Variants in GLIS3 observed in about 807,000 individuals in gnomAD.
GLIS3 encodes the protein zinc finger protein GLIS3.
GLIS3 carries 53 observed loss-of-function variants against 78.6 expected under a neutral mutation model. The ratio of observed to expected loss-of-function variants is 0.67; its 90% CI spans 0.54 to 0.85. The LOEUF (loss-of-function observed/expected upper bound fraction) is 0.85, where lower values mean the gene tolerates loss of function less well. Ranked by LOEUF, GLIS3 falls within the 40% of genes least tolerant of loss-of-function variation. The probability of loss-of-function intolerance (pLI) is 0.00; values close to 1 mark genes in which losing one functional copy is unlikely to be tolerated. For missense variants in GLIS3, 1,703 were observed against 1,231.1 expected (o/e 1.38, Z -5.74); for synonymous variants, 684 against 509.9 (o/e 1.34, Z -4.60).
In GLIS3 at chr9:4,084,775, G is replaced by A. The variant is rs575651714; in HGVS notation, c.1710+32993C>T. ...TAACAAACTCCTTGGCTTCCTCCTC[G>A]TGTGGACTGACGCTGTTTCTAGAAC... On this transcript the variant is annotated intron_variant, in intron 4 of 10. Coordinates refer to ENST00000381971, the MANE Select transcript of GLIS3 (RefSeq NM_001042413.2). Among the ~76,000 whole-genome samples the A allele has an allele frequency of 4.6e-5, 7 of 152,184 alleles. No homozygotes were observed. In the South Asian group the frequency reaches 1.0e-3, roughly 23 times the overall value.
chr9:3,851,965 A>G (rs548847623), intron 9 of GLIS3, among the ~76,000 whole-genome samples: 28 of 152,246 alleles, frequency 1.8e-4, no homozygotes, highest in African/African-American at 6.5e-4. Flanking sequence ...CAACATGGTG[A>G]AACCCCATCT....
intron 6 of GLIS3, among the ~76,000 whole-genome samples, chr9:3,899,426 T>TAA (rs34620814): frequency 2.5e-4 from 37 of 149,802 alleles, no homozygotes; most frequent in East Asian, 1.6e-3. Flanking sequence ...GAGTTACATG[T>TAA]AAAAAAAAAA....
intron 9 of GLIS3, among the ~76,000 whole-genome samples, chr9:3,850,772 C>A (rs1219101035): frequency 6.6e-6 from 1 of 152,216 alleles, no homozygotes. Context: ...GTACTCCAGC[C>A]ATCCCTTTGA....
At chr9:4,053,485 T>C (rs756430354) in intron 4 of GLIS3, among the ~76,000 whole-genome samples, 30 of 152,188 alleles carry the variant, frequency 2.0e-4, no homozygotes, top group Non-Finnish European at 3.8e-4. Context: ...CACTAGTTAA[T>C]TGTCTACTTC....
intron 6 of GLIS3, among the ~76,000 whole-genome samples, chr9:3,925,614 T>C (rs1054497436): frequency 6.6e-6 from 1 of 152,056 alleles, no homozygotes; most frequent in African/African-American, 2.4e-5. Context: ...CGCGTGTGTG[T>C]GTGTGTGCGC....
intron 4 of GLIS3, among the ~76,000 whole-genome samples, chr9:4,090,756 C>T (rs1316690895): frequency 6.6e-6 from 1 of 152,208 alleles, no homozygotes; most frequent in Non-Finnish European, 1.5e-5. Flanking sequence ...TAAGCTTAAG[C>T]ACGTGAAGTG....
intron 2 of GLIS3, among the ~76,000 whole-genome samples, chr9:4,134,531 A>T (rs1168589486): frequency 6.6e-6 from 1 of 152,202 alleles, no homozygotes; most frequent in Non-Finnish European, 1.5e-5. Flanking sequence ...GACAAATAAT[A>T]CTATACACCC....
chr9:4,286,406 C>A lies in GLIS3; in HGVS notation c.20G>T (p.Ser7Ile). The part of the protein sequence containing the change: MNGRSC[S>I]MSLHRTSGTP... ...TCCCGATGTCCGGTGGAGACTCATGCTGCATGATCTTCCATTCATTCTGAA... is the reference window on the plus strand; with the variant it reads ...TCCCGATGTCCGGTGGAGACTCATGATGCATGATCTTCCATTCATTCTGAA... Residue 7 changes from serine (S) to isoleucine (I), a missense_variant, in exon 2 of 11, where the codon AGC becomes ATC. Ser to Ile is a moderately radical substitution (Grantham distance 142). Transcript: ENST00000381971. 6.2e-7 allele frequency: 1 copy of A among 1,614,120 alleles called. No individual in the cohort carries two copies. The highest frequency in any genetic ancestry group is 8.5e-7 in the Non-Finnish European group (1 of 1,180,048).
At chr9:3,999,696 T>C (rs970338992) in intron 4 of GLIS3, among the ~76,000 whole-genome samples, 3 of 152,256 alleles carry the variant, frequency 2.0e-5, no homozygotes, top group Non-Finnish European at 2.9e-5. Flanking sequence ...GATTCTATAA[T>C]TGATCTACAT....
chr9:4,463,149 T>A, the GLIS3 span, among the ~76,000 whole-genome samples: 2 of 152,328 alleles, frequency 1.3e-5, no homozygotes, highest in Non-Finnish European at 2.9e-5. Context: ...ACGCAGTGAA[T>A]ATGTTGGTTG....
intron 2 of GLIS3, among the ~76,000 whole-genome samples, chr9:4,130,724 G>A (rs927009179): frequency 7.2e-5 from 11 of 152,234 alleles, no homozygotes; most frequent in African/African-American, 2.4e-4. Context: ...GAGGCCACAC[G>A]GAGAACCACT....
chr9:4,407,692 C>G, the GLIS3 span, among the ~76,000 whole-genome samples: 2 of 152,070 alleles, frequency 1.3e-5, no homozygotes, highest in Non-Finnish European at 2.9e-5. Flanking sequence ...AAAAACTATC[C>G]AGAACATTGG....
At chr9:4,418,265 T>C in the GLIS3 span, among the ~76,000 whole-genome samples, 2 of 79,058 alleles carry the variant, frequency 2.5e-5, no homozygotes, top group African/African-American at 1.0e-4. Flanking sequence ...CAAATATGTA[T>C]TGCAAAAAAA....
chr9:4,295,335 C>G (rs1816384376), intron 1 of GLIS3, among the ~76,000 whole-genome samples: 1 of 152,168 alleles, frequency 6.6e-6, no homozygotes, highest in African/African-American at 2.4e-5. Flanking sequence ...GTCTCCCTAA[C>G]CAGACTGTCA....
chr9:4,029,506 T>C (rs570595726), intron 4 of GLIS3, among the ~76,000 whole-genome samples: 15 of 152,218 alleles, frequency 9.9e-5, no homozygotes, highest in Non-Finnish European at 2.2e-4. Flanking sequence ...TTATTGACTA[T>C]GGTGACACCG....
At chr9:4,233,035 A>C (rs1470405206) in intron 2 of GLIS3, among the ~76,000 whole-genome samples, 1 of 152,176 alleles carries the variant, frequency 6.6e-6, no homozygotes, top group Non-Finnish European at 1.5e-5. Flanking sequence ...CACGACAGCA[A>C]TGCTTATATT....
At chr9:4,017,754 C>T (rs1241393764) in intron 4 of GLIS3, among the ~76,000 whole-genome samples, 1 of 152,158 alleles carries the variant, frequency 6.6e-6, no homozygotes, top group Non-Finnish European at 1.5e-5. Flanking sequence ...TATACCCCTC[C>T]TAAAAATACA....
intron 2 of GLIS3, among the ~76,000 whole-genome samples, chr9:4,177,130 A>AAAAACAAAACAAAAC (rs60164998): frequency 6.6e-6 from 1 of 151,040 alleles, no homozygotes; most frequent in Non-Finnish European, 1.5e-5. Flanking sequence ...TTTGATGAGC[A>AAAAACAAAACAAAAC]AAAACAAAAC....
chr9:4,078,898 C>G (rs2130685284), intron 4 of GLIS3, among the ~76,000 whole-genome samples: 1 of 152,290 alleles, frequency 6.6e-6, no homozygotes, highest in African/African-American at 2.4e-5. Context: ...TGCCTCCCCT[C>G]TGTCCCCCGC....
Sources: allele counts gnomAD v4.1 joint callset (sites outside exome capture counted in the v4.1 genomes callset), GRCh38; gene constraint gnomAD v4.1.1; transcripts MANE v1.5; gene names NCBI Gene and HGNC (gene_info 2026-07-23, HGNC 2026-07-21).